The following LHFPL3 variants were observed in gnomAD, a reference collection of about 807,000 sequenced individuals.
The protein encoded by LHFPL3 is LHFPL tetraspan subfamily member 3 protein.
In LHFPL3, 5 loss-of-function variants were observed where a neutral mutation model predicts 19.3. The observed-to-expected ratio is 0.26, with a 90% CI of 0.14 to 0.54. The LOEUF is 0.54. Ranked by LOEUF, LHFPL3 falls within the 20% of genes least tolerant of loss-of-function variation. LHFPL3 has a pLI of 0.94. For synonymous variants in LHFPL3, 133 were observed against 126.2 expected, an observed-to-expected ratio of 1.05 and a Z score of -0.36; for missense variants, 249 against 307.4, an observed-to-expected ratio of 0.81 and a Z score of 1.42.
At chr7:104,629,610 G>C (rs952321867) in intron 1 of LHFPL3, among the ~76,000 whole-genome samples, 8 of 152,178 alleles carry the variant, frequency 5.3e-5, no homozygotes, top group Non-Finnish European at 1.2e-4. Flanking sequence ...GCTACACCAA[G>C]CCTGGCTTCA....
At position 104,736,961 on chromosome 7, in the gene LHFPL3, A is replaced by G. The variant is rs111414456; in HGVS notation, c.682+50A>G. The G allele has an allele frequency of 2.3e-3, 3,284 of 1,414,412 alleles. 53 individuals carry two copies. The African/African-American group carries it at 0.038, about 16-fold the overall frequency. The allele number at this position is 1,414,412 out of a possible 1,614,324, so 87.6% of individuals were successfully genotyped here. A position where few individuals can be genotyped will look rare whatever the true frequency, so the allele number is the denominator to read the frequency against. On this transcript the variant is annotated intron_variant, in intron 2 of 2. Coordinates refer to ENST00000424859, the MANE Select transcript of LHFPL3 (RefSeq NM_199000.3). ...ACCTGGATGCCTCAAGCACAAAAAA[A>G]TGGTGCTCTCCATTCTTTCCCCTCA...
chr7:104,608,267 C>G (rs1791143453), intron 1 of LHFPL3, among the ~76,000 whole-genome samples: 1 of 151,832 alleles, frequency 6.6e-6, no homozygotes, highest in African/African-American at 2.4e-5. Flanking sequence ...CAACGATAGA[C>G]TGGATTAAGA....
chr7:104,562,679 G>A (rs12270199), intron 1 of LHFPL3, among the ~76,000 whole-genome samples: 2,529 of 151,940 alleles, frequency 0.017, 54 homozygotes, highest in East Asian at 0.12. Context: ...TCTTCTCTCA[G>A]CTCCTCAAAG....
chr7:104,479,748 C>T (rs2115652054), intron 1 of LHFPL3, among the ~76,000 whole-genome samples: 1 of 152,312 alleles, frequency 6.6e-6, no homozygotes, highest in East Asian at 1.9e-4. Context: ...TCAGCCCCTA[C>T]ACTGTCTGTG....
At chr7:104,838,413 A>AGTC (rs1286931030) in intron 2 of LHFPL3, among the ~76,000 whole-genome samples, 1 of 152,186 alleles carries the variant, frequency 6.6e-6, no homozygotes, top group African/African-American at 2.4e-5. Flanking sequence ...ATTTAAATGA[A>AGTC]GTCTGATTTC....
intron 1 of LHFPL3, among the ~76,000 whole-genome samples, chr7:104,734,175 G>T (rs1793757598): frequency 6.6e-6 from 1 of 152,060 alleles, no homozygotes; most frequent in South Asian, 2.1e-4. Context: ...TTCAACTTTG[G>T]TGACTCTGAC....
At chr7:104,664,561 A>G (rs1792295569) in intron 1 of LHFPL3, among the ~76,000 whole-genome samples, 1 of 152,210 alleles carries the variant, frequency 6.6e-6, no homozygotes, top group East Asian at 1.9e-4. Flanking sequence ...AGGTCCAGAT[A>G]GTAAATATTT....
At chr7:104,762,583 C>T (rs1794392606) in intron 2 of LHFPL3, among the ~76,000 whole-genome samples, 2 of 152,242 alleles carry the variant, frequency 1.3e-5, no homozygotes, top group Admixed American at 6.5e-5. Flanking sequence ...GATTCATTCA[C>T]CAAAAGTGAA....
chr7:104,404,297 T>C (rs1410185030), intron 1 of LHFPL3, among the ~76,000 whole-genome samples: 1 of 152,228 alleles, frequency 6.6e-6, no homozygotes, highest in Non-Finnish European at 1.5e-5. Flanking sequence ...AGCCATTGTT[T>C]AAAAATTTGA....
At chr7:104,758,678 C>T (rs772413220) in intron 2 of LHFPL3, among the ~76,000 whole-genome samples, 1 of 152,132 alleles carries the variant, frequency 6.6e-6, no homozygotes, top group Non-Finnish European at 1.5e-5. Context: ...CATCTGTCTA[C>T]CATCTGGCCC....
At chr7:104,881,850 A>T (rs1232108089) in intron 2 of LHFPL3, among the ~76,000 whole-genome samples, 1 of 152,156 alleles carries the variant, frequency 6.6e-6, no homozygotes, top group Admixed American at 6.5e-5. Context: ...TTCAGCAGCC[A>T]CCACCCTCAT....
At chr7:104,366,616 C>A (rs1790500101) in intron 1 of LHFPL3, among the ~76,000 whole-genome samples, 1 of 152,188 alleles carries the variant, frequency 6.6e-6, no homozygotes, top group Non-Finnish European at 1.5e-5. Flanking sequence ...ACTGACTTCA[C>A]AAATAAGAGG....
At chr7:104,562,471 G>A (rs965703334) in intron 1 of LHFPL3, among the ~76,000 whole-genome samples, 10 of 152,144 alleles carry the variant, frequency 6.6e-5, no homozygotes, top group African/African-American at 1.9e-4. Context: ...CCAATTGATC[G>A]CATCGGCTCC....
chr7:104,640,524 A>G (rs1256557834), intron 1 of LHFPL3, among the ~76,000 whole-genome samples: 2 of 152,082 alleles, frequency 1.3e-5, no homozygotes, highest in South Asian at 2.1e-4. Flanking sequence ...TCTATCATTG[A>G]TGGGCATTTG....
At chr7:104,338,192 G>C (rs2116360084) in intron 1 of LHFPL3, among the ~76,000 whole-genome samples, 1 of 136,406 alleles carries the variant, frequency 7.3e-6, no homozygotes, top group African/African-American at 2.7e-5. Flanking sequence ...TCCGCCTTCT[G>C]GGTTCACACC....
At chr7:104,456,677 A>T (rs187053282) in intron 1 of LHFPL3, among the ~76,000 whole-genome samples, 2 of 152,204 alleles carry the variant, frequency 1.3e-5, no homozygotes, top group African/African-American at 4.8e-5. Context: ...AATTGCAAGC[A>T]TCACTACACT....
At chr7:104,580,446 T>G (rs1790439502) in intron 1 of LHFPL3, among the ~76,000 whole-genome samples, 1 of 152,164 alleles carries the variant, frequency 6.6e-6, no homozygotes, top group African/African-American at 2.4e-5. Flanking sequence ...CAGGTATCTT[T>G]CCTTCTATCC....
At chr7:104,608,099 G>T (rs1029123470) in intron 1 of LHFPL3, among the ~76,000 whole-genome samples, 13 of 152,030 alleles carry the variant, frequency 8.6e-5, no homozygotes, top group African/African-American at 3.1e-4. Flanking sequence ...GATTCCTCAG[G>T]GATCTAGAAC....
rs998298644 is a variant in LHFPL3 at position 104,498,501 on chromosome 7, T to G, written c.445+169277T>G. Among the ~76,000 whole-genome samples, 14 of 150,540 alleles carry G rather than the reference T, an allele frequency of 9.3e-5. No homozygotes were observed. The East Asian group carries it at 2.1e-3, about 23-fold the overall frequency. On this transcript the variant is annotated intron_variant, in intron 1 of 2. Transcript: ENST00000424859. ...CTGCTGTACATGGAAGCAATGTTTT[T>G]TTTTTTTTTTTTTGAGACAGGGTCT... is the stretch of plus-strand genomic sequence containing the variant.
Sources: gnomAD v4.1 joint callset for allele counts (sites outside exome capture counted in the v4.1 genomes callset) on GRCh38, gnomAD v4.1.1 for gene constraint, MANE v1.5 for transcripts, NCBI Gene and HGNC (gene_info 2026-07-23, HGNC 2026-07-21) for gene names.